MAD1L1: variants seen among roughly 807,000 people sequenced by gnomAD.
MAD1L1 encodes the protein mitotic arrest deficient 1 like 1, also known as mitotic spindle assembly checkpoint protein MAD1.
MAD1L1 carries 95 observed loss-of-function variants against 96.9 expected under a neutral mutation model. That is an observed-to-expected ratio of 0.98 (90% CI 0.83 to 1.16). The LOEUF is 1.16. Ranked by LOEUF, MAD1L1 falls within the 50% of genes most tolerant of loss-of-function variation. MAD1L1 has a pLI of 0.00. For missense variants in MAD1L1, 1,007 were observed against 954.4 expected (o/e 1.06, Z -0.73); for synonymous variants, 473 against 396.6 (o/e 1.19, Z -2.29).
At chr7:2,110,884 G>A (rs1482163843) in intron 11 of MAD1L1, among the ~76,000 whole-genome samples, 1 of 152,118 alleles carries the variant, frequency 6.6e-6, no homozygotes, top group African/African-American at 2.4e-5. Context: ...CTCAAACACA[G>A]TTTCCCAGCA....
intron 17 of MAD1L1, among the ~76,000 whole-genome samples, chr7:1,906,979 C>T (rs1787675099): frequency 6.6e-6 from 1 of 152,182 alleles, no homozygotes; most frequent in South Asian, 2.1e-4. Context: ...ATGAAAAGCC[C>T]TTAAAATCAA....
At chr7:1,847,817 C>G (rs1014446763) in intron 18 of MAD1L1, 1 of 407,700 alleles carries the variant, frequency 2.5e-6, no homozygotes, top group East Asian at 7.2e-5. Flanking sequence ...TTGGCCGGCT[C>G]CAGGCCTCCA....
At chr7:1,832,630 T>TTGGC (rs56664541) in intron 18 of MAD1L1, among the ~76,000 whole-genome samples, 1 of 2,350 alleles carries the variant, frequency 4.3e-4, no homozygotes, top group African/African-American at 1.8e-3. Context: ...TTTTTTTTTT[T>TTGGC]GGCGGGGGGG....
chr7:2,051,902 G>C (rs1784197391), intron 12 of MAD1L1, among the ~76,000 whole-genome samples: 1 of 152,022 alleles, frequency 6.6e-6, no homozygotes, highest in Non-Finnish European at 1.5e-5. Context: ...ATACCACATG[G>C]GGTGCCAGAA....
At chr7:1,945,613 C>A (rs538217179) in intron 16 of MAD1L1, among the ~76,000 whole-genome samples, 1 of 152,216 alleles carries the variant, frequency 6.6e-6, no homozygotes, top group Non-Finnish European at 1.5e-5. Flanking sequence ...GTGAGGGCAG[C>A]GGCCATCTGC....
intron 10 of MAD1L1, among the ~76,000 whole-genome samples, chr7:2,151,511 G>A (rs1020970695): frequency 1.1e-4 from 17 of 152,228 alleles, no homozygotes; most frequent in Admixed American, 3.3e-4. Context: ...TCACCAGAGG[G>A]CACACTGCCT....
intron 10 of MAD1L1, among the ~76,000 whole-genome samples, chr7:2,184,833 C>A (rs747458125): frequency 6.6e-6 from 1 of 151,956 alleles, no homozygotes; most frequent in East Asian, 1.9e-4. Context: ...GAAACCCTGT[C>A]TCTACTAAAA....
intron 10 of MAD1L1, among the ~76,000 whole-genome samples, chr7:2,210,206 G>GGGAC (rs1289896567): frequency 6.6e-6 from 1 of 152,102 alleles, no homozygotes; most frequent in Non-Finnish European, 1.5e-5. Context: ...CTGAGTAGCT[G>GGGAC]GGACTACAGG....
At chr7:1,942,185 C>G (rs1196176016) in intron 16 of MAD1L1, among the ~76,000 whole-genome samples, 1 of 152,228 alleles carries the variant, frequency 6.6e-6, no homozygotes, top group Non-Finnish European at 1.5e-5. Flanking sequence ...AGGGGTGGAG[C>G]TGCCACTCAT....
chr7:2,213,181 C>T (rs773258322), intron 10 of MAD1L1, 31 bp downstream of exon 10: 41 of 1,612,052 alleles, frequency 2.5e-5, no homozygotes, highest in African/African-American at 1.3e-4. Context: ...TCAAAGAAGG[C>T]GGGACCCCGG....
intron 13 of MAD1L1, among the ~76,000 whole-genome samples, chr7:2,005,345 C>T (rs772857056): frequency 2.6e-5 from 4 of 152,022 alleles, no homozygotes; most frequent in Non-Finnish European, 5.9e-5. Flanking sequence ...TCTTCGCCTG[C>T]ATTAGGGGGG....
At chr7:1,988,201 C>A (rs761052553) in intron 14 of MAD1L1, among the ~76,000 whole-genome samples, 1 of 152,184 alleles carries the variant, frequency 6.6e-6, no homozygotes, top group Admixed American at 6.5e-5. Flanking sequence ...CCCTGCTGAA[C>A]GCTTCCTGAC....
At chr7:1,825,736 T>G (rs1291448888) in intron 18 of MAD1L1, among the ~76,000 whole-genome samples, 1 of 152,194 alleles carries the variant, frequency 6.6e-6, no homozygotes, top group Non-Finnish European at 1.5e-5. Flanking sequence ...TCTCAGGGGC[T>G]GAAGGCCTTG....
intron 3 of MAD1L1, among the ~76,000 whole-genome samples, chr7:2,229,143 C>T (rs567994355): frequency 6.6e-6 from 1 of 152,174 alleles, no homozygotes; most frequent in Non-Finnish European, 1.5e-5. Flanking sequence ...GCTCTGAGAG[C>T]GCAGGAAGCC....
At chr7:1,880,463 A>T (rs1785621830) in intron 18 of MAD1L1, among the ~76,000 whole-genome samples, 1 of 152,198 alleles carries the variant, frequency 6.6e-6, no homozygotes, top group African/African-American at 2.4e-5. Context: ...GCCACTCGAC[A>T]CAGTGATGAC....
chr7:1,951,877 C>T (rs1279821015), intron 16 of MAD1L1, among the ~76,000 whole-genome samples: 1 of 152,192 alleles, frequency 6.6e-6, no homozygotes, highest in Admixed American at 6.5e-5. Flanking sequence ...CTCTGGGCTA[C>T]CGTGAGCGAG....
At chr7:2,224,411 T>C (rs1793772099) in intron 4 of MAD1L1, among the ~76,000 whole-genome samples, 1 of 152,064 alleles carries the variant, frequency 6.6e-6, no homozygotes, top group Non-Finnish European at 1.5e-5. Context: ...AAAACAGCTC[T>C]CAAAGCAGCA....
At chr7:2,149,025 C>A in intron 11 of MAD1L1, 127 bp downstream of exon 11, 1 of 805,748 alleles carries the variant, frequency 1.2e-6, no homozygotes, top group South Asian at 1.5e-5. Flanking sequence ...CATCTCCTCC[C>A]AGACCAGGGC....
chr7:1,881,839 T>A (rs943442747), intron 18 of MAD1L1, among the ~76,000 whole-genome samples: 2 of 152,182 alleles, frequency 1.3e-5, no homozygotes, highest in Admixed American at 6.5e-5. Context: ...GATGAGCCAC[T>A]GGCATCTTCT....
Sources: allele counts gnomAD v4.1 joint callset (sites outside exome capture counted in the v4.1 genomes callset), GRCh38; gene constraint gnomAD v4.1.1; transcripts MANE v1.5; gene names NCBI Gene and HGNC (gene_info 2026-07-23, HGNC 2026-07-21).